ACOT13: variants seen among roughly 807,000 people sequenced by gnomAD.
ACOT13 encodes acyl-coenzyme A thioesterase 13.
In ACOT13, 10 loss-of-function variants were observed where a neutral mutation model predicts 11.8. That is an observed-to-expected ratio of 0.85 (90% confidence interval 0.53 to 1.44). ACOT13 has a LOEUF of 1.44. Among genes scored for constraint, ACOT13 ranks in the 40% most tolerant of loss-of-function variants. ACOT13 has a pLI of 0.00. For synonymous variants in ACOT13, 53 were observed against 61.0 expected, an observed-to-expected ratio of 0.87 and a Z score of 0.61; for missense variants, 172 against 174.1, an observed-to-expected ratio of 0.99 and a Z score of 0.07.
At chr6:24,693,682 T>C (rs1778750442) in intron 1 of ACOT13, among the ~76,000 whole-genome samples, 1 of 151,810 alleles carries the variant, frequency 6.6e-6, no homozygotes, top group Non-Finnish European at 1.5e-5. Context: ...ATGAATTGTA[T>C]CTCAGATGGG....
intron 1 of ACOT13, among the ~76,000 whole-genome samples, chr6:24,686,413 G>A (rs868677661): frequency 7.0e-4 from 107 of 152,242 alleles, no homozygotes; most frequent in Middle Eastern, 3.4e-3. Context: ...TCACAGTTCT[G>A]CAGGCTGTAC....
chr6:24,672,307 A>C (rs1778378224), intron 1 of ACOT13, among the ~76,000 whole-genome samples: 1 of 152,254 alleles, frequency 6.6e-6, no homozygotes, highest in Non-Finnish European at 1.5e-5. Context: ...TGTTTTCAAA[A>C]TTTTATAAAC....
At chr6:24,677,509 C>G (rs550562829) in intron 1 of ACOT13, among the ~76,000 whole-genome samples, 1 of 152,362 alleles carries the variant, frequency 6.6e-6, no homozygotes, top group East Asian at 1.9e-4. Context: ...GCCAGTACAT[C>G]AATTTCCTTA....
At position 24,702,291 on chromosome 6, in the gene ACOT13, T is replaced by C. The variant is rs962305039; in HGVS notation, c.*676T>C. 1.3e-5 allele frequency: 2 copies of C among 152,282 alleles called. No homozygotes were observed. Among genetic ancestry groups the C allele is most frequent in the African/African-American group, 2.4e-5 (1 of 41,446 alleles). The allele number at this position is 152,282 out of a possible 1,614,324, so 9.4% of individuals were successfully genotyped here. A position where few individuals can be genotyped will look rare whatever the true frequency, so the allele number is the denominator to read the frequency against. On this transcript the variant is annotated 3_prime_UTR_variant, in exon 3 of 3. Coordinates refer to ENST00000230048, the MANE Select transcript of ACOT13 (RefSeq NM_018473.4). ...ACACCTAGCTAATTTTTGTAGTTTT[T>C]TGTAGAAACAGGGTTCACCATGTTG...
intron 1 of ACOT13, chr6:24,687,503 A>G (rs1778651051): frequency 7.3e-7 from 1 of 1,369,632 alleles, no homozygotes; most frequent in African/African-American, 1.5e-5. Flanking sequence ...GAAATAAGGA[A>G]GTGGAATTCC....
At chr6:24,680,034 G>A (rs1220226520) in intron 1 of ACOT13, among the ~76,000 whole-genome samples, 1 of 152,094 alleles carries the variant, frequency 6.6e-6, no homozygotes, top group Non-Finnish European at 1.5e-5. Flanking sequence ...TGGACCTTTG[G>A]GTAAAAGGGG....
At chr6:24,668,874 C>A (rs1383570653) in intron 1 of ACOT13, among the ~76,000 whole-genome samples, 1 of 152,164 alleles carries the variant, frequency 6.6e-6, no homozygotes, top group South Asian at 2.1e-4. Flanking sequence ...GAGGTACTTT[C>A]AATTTCCCAT....
At chr6:24,681,193 A>G (rs75208363) in intron 1 of ACOT13, among the ~76,000 whole-genome samples, 116,455 of 151,852 alleles carry the variant, frequency 0.77, 45,384 homozygotes, top group African/African-American at 0.91. Flanking sequence ...CTTTTTTTTT[A>G]ACTTAGAATA....
chr6:24,668,122 G>A (rs1185084051), intron 1 of ACOT13, among the ~76,000 whole-genome samples: 1 of 152,108 alleles, frequency 6.6e-6, no homozygotes, highest in East Asian at 1.9e-4. Context: ...TGGTCAGGCT[G>A]CTCTCGAACT....
rs772944032 is a variant in ACOT13, at chr6:24,701,497, T to G, written c.305T>G (p.Ile102Ser). 1.3e-5 allele frequency: 21 copies of G among 1,613,710 alleles called. No individual in the cohort carries two copies. The highest frequency in any genetic ancestry group is 1.8e-5 in the Non-Finnish European group (21 of 1,179,760). Residue 102 changes from isoleucine (I) to serine (S), a missense_variant, in exon 3 of 3, where the codon ATT becomes AGT. Transcript: ENST00000230048. Reference protein sequence around the residue: ...SPAKLGEDIVITAHVLKQGKT... With the variant: ...SPAKLGEDIVSTAHVLKQGKT... Reference sequence around the variant, plus strand: ...GCAAAATTAGGAGAAGATATAGTGATTACAGCACATGTTCTGAAGCAAGGA... The same window carrying G: ...GCAAAATTAGGAGAAGATATAGTGAGTACAGCACATGTTCTGAAGCAAGGA...
intron 2 of ACOT13, 107 bp from the exon 3 acceptor site, chr6:24,701,352 A>G (rs1778888080): frequency 2.0e-6 from 2 of 1,012,026 alleles, no homozygotes; most frequent in Non-Finnish European, 2.8e-6. Flanking sequence ...TACCGTTAAA[A>G]CTATTTTTAG....
chr6:24,701,916 A>C lies in ACOT13; in HGVS notation c.*301A>C, dbSNP rs185255618. The C allele has an allele frequency of 7.2e-4, 172 of 238,768 alleles. No individual in the cohort carries two copies. The highest frequency in any genetic ancestry group is 1.2e-3 in the Non-Finnish European group (144 of 123,082). The allele number at this position is 238,768 out of a possible 1,614,324, so 14.8% of individuals were successfully genotyped here. ...TCAGTTAAGATTAAAACTAAAGTCCAGTGTTAAGCTAAAGGAGAAATAGAA... is the reference window on the plus strand; with the variant it reads ...TCAGTTAAGATTAAAACTAAAGTCCCGTGTTAAGCTAAAGGAGAAATAGAA... On this transcript the variant is annotated 3_prime_UTR_variant, in exon 3 of 3. Coordinates refer to ENST00000230048, the MANE Select transcript of ACOT13 (RefSeq NM_018473.4).
At chr6:24,697,494 T>C (rs1361053021) in intron 1 of ACOT13, among the ~76,000 whole-genome samples, 1 of 152,104 alleles carries the variant, frequency 6.6e-6, no homozygotes, top group African/African-American at 2.4e-5. Flanking sequence ...AATGTTATTA[T>C]TATTCTGCTT....
At chr6:24,682,137 C>G (rs982771880) in intron 1 of ACOT13, among the ~76,000 whole-genome samples, 5 of 152,244 alleles carry the variant, frequency 3.3e-5, no homozygotes, top group Non-Finnish European at 7.3e-5. Flanking sequence ...AGCGTAACAC[C>G]TGAGTCTTAA....
rs1488477821 is a variant in ACOT13 at position 24,704,796 on chromosome 6, GAAAT to G, written c.*3184_*3187del. The G allele has an allele frequency of 6.6e-6, 1 of 152,192 alleles. No individual in the cohort carries two copies. Among genetic ancestry groups the G allele is most frequent in the Non-Finnish European group, 1.5e-5 (1 of 68,028 alleles). 9.4% of individuals were successfully genotyped at this position (152,192 alleles called of 1,614,324 possible). ...AATTTACTATTTAGCCACAGACTATGAAATAATTCTCTAAGGTGACCAGTAACAT... is the reference window on the plus strand; with the variant it reads ...AATTTACTATTTAGCCACAGACTATGAATTCTCTAAGGTGACCAGTAACAT... On this transcript the variant is annotated 3_prime_UTR_variant, in exon 3 of 3. Coordinates refer to ENST00000230048, the MANE Select transcript of ACOT13 (RefSeq NM_018473.4).
rs370608409 is a variant in ACOT13, at chr6:24,679,426, CAG to C, written c.81+12087_81+12088del. ...GTTGGCCTTCAATAGAGTCAGGTGA[CAG>C]AGAGGTATGCTTCCTCAATGCCTCC... On this transcript the variant is annotated intron_variant, in intron 1 of 2. Transcript: ENST00000230048. Among the ~76,000 whole-genome samples the C allele has an allele frequency of 9.2e-5, 14 of 152,320 alleles. No individual in the cohort carries two copies. In the South Asian group the frequency reaches 1.9e-3, roughly 20 times the overall value.
At chr6:24,696,069 CAAACAAAA>C (rs1293804358) in intron 1 of ACOT13, among the ~76,000 whole-genome samples, 2 of 151,922 alleles carry the variant, frequency 1.3e-5, no homozygotes, top group Non-Finnish European at 2.9e-5. Context: ...AAACAAAAAA[CAAACAAAA>C]AAACAAAAAA....
intron 1 of ACOT13, among the ~76,000 whole-genome samples, chr6:24,672,844 T>C (rs992338304): frequency 7.2e-5 from 11 of 152,350 alleles, no homozygotes; most frequent in African/African-American, 2.4e-4. Context: ...CCTTACAGTC[T>C]TACCTGCCCA....
intron 1 of ACOT13, among the ~76,000 whole-genome samples, chr6:24,674,240 G>C (rs1165067354): frequency 1.3e-5 from 2 of 152,106 alleles, no homozygotes; most frequent in Admixed American, 6.5e-5. Flanking sequence ...TATATTTATA[G>C]TAGGGACAGG....
Sources: gnomAD v4.1 joint callset for allele counts (sites outside exome capture counted in the v4.1 genomes callset) on GRCh38, gnomAD v4.1.1 for gene constraint, MANE v1.5 for transcripts, NCBI Gene and HGNC (gene_info 2026-07-23, HGNC 2026-07-21) for gene names.